Variants in ADAM12 observed in about 807,000 individuals in gnomAD.
ADAM12 encodes the protein ADAM metallopeptidase domain 12.
A neutral mutation model predicts 106.4 loss-of-function variants in ADAM12; 70 were observed. The ratio of observed to expected loss-of-function variants is 0.66; its 90% CI spans 0.54 to 0.80. The LOEUF (loss-of-function observed/expected upper bound fraction) is 0.80, where lower values mean the gene tolerates loss of function less well. Among genes scored for constraint, ADAM12 ranks in the 30% least tolerant of loss-of-function variants. ADAM12 has a pLI of 0.00. For missense variants in ADAM12, 1,010 were observed against 1,171.9 expected (o/e 0.86, Z 2.02); for synonymous variants, 420 against 433.5 (o/e 0.97, Z 0.39).
intron 4 of ADAM12, among the ~76,000 whole-genome samples, chr10:126,142,982 A>G (rs1956543473): frequency 6.6e-6 from 1 of 151,272 alleles, no homozygotes; most frequent in Non-Finnish European, 1.5e-5. Context: ...GTGCATGTGT[A>G]TATATGCATG....
intron 5 of ADAM12, among the ~76,000 whole-genome samples, chr10:126,123,928 A>C (rs1436133744): frequency 6.6e-6 from 1 of 152,228 alleles, no homozygotes; most frequent in Non-Finnish European, 1.5e-5. Context: ...AACAAAGAGG[A>C]ATCTATTAAA....
chr10:126,140,059 A>G (rs183243250), intron 4 of ADAM12, among the ~76,000 whole-genome samples: 1 of 152,190 alleles, frequency 6.6e-6, no homozygotes, highest in Non-Finnish European at 1.5e-5. Flanking sequence ...CACGGCAGGC[A>G]TCAAAGCGGA....
At chr10:126,200,595 C>T (rs1410482859) in intron 3 of ADAM12, among the ~76,000 whole-genome samples, 2 of 152,156 alleles carry the variant, frequency 1.3e-5, no homozygotes, top group East Asian at 3.9e-4. Context: ...CACTGTGGAG[C>T]TGCCGTGGGG....
At chr10:126,046,445 A>G (rs1445248728) in intron 16 of ADAM12, among the ~76,000 whole-genome samples, 1 of 152,016 alleles carries the variant, frequency 6.6e-6, no homozygotes, top group East Asian at 1.9e-4. Flanking sequence ...TTTTCTTATG[A>G]GTTTTGTTTG....
chr10:126,217,517 A>C (rs1430127645), intron 3 of ADAM12, among the ~76,000 whole-genome samples: 1 of 151,726 alleles, frequency 6.6e-6, no homozygotes, highest in Non-Finnish European at 1.5e-5. Flanking sequence ...ACAGGAATGC[A>C]CCACCATGCC....
chr10:126,138,542 T>G (rs1251039441), intron 4 of ADAM12, among the ~76,000 whole-genome samples: 1 of 152,088 alleles, frequency 6.6e-6, no homozygotes, highest in Non-Finnish European at 1.5e-5. Context: ...ACCCAGCTAA[T>G]TTTTGTATTT....
chr10:126,033,169 C>T (rs1053686317), intron 21 of ADAM12, among the ~76,000 whole-genome samples: 1 of 152,150 alleles, frequency 6.6e-6, no homozygotes, highest in Non-Finnish European at 1.5e-5. Context: ...GTTCCCTACT[C>T]CTCATTCAGT....
chr10:126,155,077 C>T (rs56196479), intron 4 of ADAM12, 150 bp downstream of exon 4: 87,462 of 756,940 alleles, frequency 0.12, 6,065 homozygotes, highest in South Asian at 0.19. Context: ...TATAATAGAA[C>T]GCCTACCACT....
chr10:126,291,850 C>T (rs1427536965), intron 2 of ADAM12, among the ~76,000 whole-genome samples: 1 of 152,162 alleles, frequency 6.6e-6, no homozygotes, highest in Non-Finnish European at 1.5e-5. Flanking sequence ...GTTAACCAGA[C>T]TATCACTTCA....
intron 3 of ADAM12, among the ~76,000 whole-genome samples, chr10:126,261,033 T>C (rs889521334): frequency 7.2e-5 from 11 of 152,182 alleles, no homozygotes; most frequent in African/African-American, 1.7e-4. Flanking sequence ...ACTATTTACA[T>C]AGCATTTACA....
At chr10:126,086,189 C>T (rs1210213483) in intron 11 of ADAM12, among the ~76,000 whole-genome samples, 1 of 152,154 alleles carries the variant, frequency 6.6e-6, no homozygotes, top group African/African-American at 2.4e-5. Flanking sequence ...TCCCACCTCC[C>T]AGAGGTTGCA....
intron 3 of ADAM12, among the ~76,000 whole-genome samples, chr10:126,162,449 G>C (rs1956953386): frequency 6.6e-6 from 1 of 152,200 alleles, no homozygotes; most frequent in South Asian, 2.1e-4. Flanking sequence ...CCTGAGGCAG[G>C]GAGACCCGCT....
intron 14 of ADAM12, among the ~76,000 whole-genome samples, chr10:126,054,297 T>C (rs991135270): frequency 6.6e-6 from 1 of 152,212 alleles, no homozygotes; most frequent in Non-Finnish European, 1.5e-5. Context: ...AGCCGAAGAA[T>C]AATATTTAAG....
chr10:126,351,257 G>C (rs1046043225), intron 1 of ADAM12, among the ~76,000 whole-genome samples: 1 of 148,946 alleles, frequency 6.7e-6, no homozygotes, highest in Non-Finnish European at 1.5e-5. Context: ...TCCTGCAGCT[G>C]TCCGGACCTC....
intron 3 of ADAM12, among the ~76,000 whole-genome samples, chr10:126,178,406 ATCT>A (rs1475795458): frequency 8.5e-4 from 103 of 120,876 alleles, no homozygotes; most frequent in African/African-American, 3.3e-3. Flanking sequence ...ATTGGAGGAC[ATCT>A]TTTTTTTTTT....
chr10:126,338,952 C>T (rs939446291), intron 1 of ADAM12, among the ~76,000 whole-genome samples: 3 of 152,176 alleles, frequency 2.0e-5, no homozygotes, highest in Admixed American at 2.0e-4. Flanking sequence ...TACACTAAAG[C>T]CCCAGCTCCA....
rs1954824920 is a variant in ADAM12, at chr10:126,064,579, G to A, written c.1609+227C>T. 3.9e-6 allele frequency: 2 copies of A among 512,598 alleles called. No homozygotes were observed. Among genetic ancestry groups the A allele is most frequent in the East Asian group, 3.3e-5 (1 of 30,668 alleles). 31.8% of individuals were successfully genotyped at this position (512,598 alleles called of 1,614,324 possible). A position where few individuals can be genotyped will look rare whatever the true frequency, so the allele number is the denominator to read the frequency against. Reference sequence around the variant, plus strand: ...TGCAGCTCCTGTTGGACCGCACTGAGCTTCTTAAGGCCAGGCTCCAGGCAG... The same window carrying A: ...TGCAGCTCCTGTTGGACCGCACTGAACTTCTTAAGGCCAGGCTCCAGGCAG... On this transcript the variant is annotated intron_variant, in intron 14 of 22. Transcript: ENST00000448723. This position sits in a 1 kb window ranked among gnomAD's most constrained non-coding sequence, Gnocchi z 4.4.
At chr10:126,339,345 G>T (rs185321734) in intron 1 of ADAM12, among the ~76,000 whole-genome samples, 1 of 152,080 alleles carries the variant, frequency 6.6e-6, no homozygotes, top group South Asian at 2.1e-4. Context: ...ATCTCCCAGC[G>T]AAAAACCAAC....
intron 1 of ADAM12, among the ~76,000 whole-genome samples, chr10:126,359,754 C>T (rs1855676219): frequency 6.6e-6 from 1 of 152,192 alleles, no homozygotes; most frequent in Non-Finnish European, 1.5e-5. Flanking sequence ...ATCTACCATT[C>T]TGGGGTCTGG....
Sources: gnomAD v4.1 joint callset for allele counts (sites outside exome capture counted in the v4.1 genomes callset) on GRCh38, gnomAD v4.1.1 for gene constraint, Gnocchi (gnomAD v3.1) non-coding constraint, MANE v1.5 for transcripts, NCBI Gene and HGNC (gene_info 2026-07-23, HGNC 2026-07-21) for gene names.